SERPINA1: variants seen among roughly 807,000 people sequenced by gnomAD.
SERPINA1 encodes alpha-1-antitrypsin.
Under a neutral mutation model 25.4 loss-of-function variants are expected in SERPINA1, and 21 were observed. That is an observed-to-expected ratio of 0.83 (90% CI 0.59 to 1.19). The LOEUF is 1.19. Ranked by LOEUF, SERPINA1 falls within the 50% of genes most tolerant of loss-of-function variation. The pLI, the probability that SERPINA1 is intolerant of heterozygous loss-of-function variation, is 0.00. For synonymous variants in SERPINA1, 218 were observed against 211.1 expected (o/e 1.03, Z -0.29); for missense variants, 546 against 509.0 (o/e 1.07, Z -0.70).
chr14:94,390,155 A>G (rs373975877), upstream of SERPINA1, among the ~76,000 whole-genome samples: 48 of 152,102 alleles, frequency 3.2e-4, no homozygotes, highest in African/African-American at 1.1e-3. Flanking sequence ...CCTTTCAGGC[A>G]GCGGGAAACT....
intron 1 of SERPINA1, among the ~76,000 whole-genome samples, chr14:94,384,411 A>T (rs1463585235): frequency 6.6e-6 from 1 of 152,210 alleles, no homozygotes. Context: ...TTCAGGTGAT[A>T]GGCCAGTGAG....
chr14:94,379,162 C>T, intron 4 of SERPINA1: 1 of 591,222 alleles, frequency 1.7e-6, no homozygotes, highest in Non-Finnish European at 3.0e-6. Flanking sequence ...CCAAACCTTT[C>T]TGTGTCAGTA....
chr14:94,379,110 C>G, intron 4 of SERPINA1: 2 of 571,260 alleles, frequency 3.5e-6, no homozygotes, highest in Non-Finnish European at 6.2e-6. Flanking sequence ...CACCAAATCT[C>G]ACAGATCGAA....
At chr14:94,380,205 A>C (rs762143467) in intron 3 of SERPINA1, among the ~76,000 whole-genome samples, 10 of 152,290 alleles carry the variant, frequency 6.6e-5, no homozygotes, top group Non-Finnish European at 1.2e-4. Flanking sequence ...GATTCCTATT[A>C]TGAACCCGAC....
At chr14:94,378,669 G>T (rs755409927) in intron 4 of SERPINA1, 29 bp from the exon 5 acceptor site, 2 of 1,612,396 alleles carry the variant, frequency 1.2e-6, no homozygotes, top group Admixed American at 3.3e-5. Context: ...GAGACACGTT[G>T]TAAGGCTGAT....
chr14:94,390,577 G>GCA (rs1897634956), upstream of SERPINA1: 1 of 152,476 alleles, frequency 6.6e-6, no homozygotes, highest in Non-Finnish European at 1.5e-5. Context: ...CAGCAGCAGC[G>GCA]GCTAGGCCTT....
upstream of SERPINA1, chr14:94,389,764 T>C (rs1233361570): frequency 1.3e-5 from 2 of 152,254 alleles, no homozygotes; most frequent in Admixed American, 6.5e-5. Flanking sequence ...ACCAGTCCCA[T>C]TTATGCCTCC....
rs539955367 is a variant in SERPINA1, at chr14:94,378,078, C to A, written c.*371G>T. 1.6e-4 allele frequency: 42 copies of A among 266,368 alleles called. No homozygotes were observed. Among genetic ancestry groups the A allele is most frequent in the Middle Eastern group, 2.5e-3 (2 of 790 alleles). 16.5% of individuals were successfully genotyped at this position (266,368 alleles called of 1,614,324 possible). A position where few individuals can be genotyped will look rare whatever the true frequency, so the allele number is the denominator to read the frequency against. On this transcript the variant is annotated 3_prime_UTR_variant, in exon 5 of 5. Transcript: ENST00000393087. Reference sequence around the variant, plus strand: ...GGGGACATGAAGATGCTTGGTGGAGCCTGGGGTCATGGCTGGTATCTGGTT... The same window carrying A: ...GGGGACATGAAGATGCTTGGTGGAGACTGGGGTCATGGCTGGTATCTGGTT...
At chr14:94,384,253 C>T (rs1897152133) in intron 1 of SERPINA1, 1 of 152,114 alleles carries the variant, frequency 6.6e-6, no homozygotes, top group Admixed American at 6.5e-5. Context: ...CATTCATCTC[C>T]CTGGTCCTCA....
At chr14:94,386,203 A>G (rs1897276616) in intron 1 of SERPINA1, among the ~76,000 whole-genome samples, 1 of 152,190 alleles carries the variant, frequency 6.6e-6, no homozygotes, top group Admixed American at 6.5e-5. Flanking sequence ...CAAGTACCCC[A>G]TGGTGTACGG....
At chr14:94,381,294 G>T (rs1896898358) in intron 2 of SERPINA1, among the ~76,000 whole-genome samples, 153 bp from the exon 3 acceptor site, 1 of 152,098 alleles carries the variant, frequency 6.6e-6, no homozygotes, top group Admixed American at 6.5e-5. Flanking sequence ...TCTGTAAAAG[G>T]TGCTGAAACT....
Position 94,379,625 on chromosome 14 carries a change from A to G in SERPINA1, c.918-14T>C, listed in dbSNP as rs757688696. ...AAGCTGGCAGACCTGTCGTGCAGAA[A>G]AGAAATTCAAGGCATGGCACAGCAT... On this transcript the variant is annotated splice_polypyrimidine_tract_variant and intron_variant, in intron 3 of 4. Coordinates refer to ENST00000393087, the MANE Select transcript of SERPINA1 (RefSeq NM_000295.5). The G allele has an allele frequency of 1.9e-6, 3 of 1,614,036 alleles. No homozygotes were observed. The Admixed American group carries it at 5.0e-5, about 27-fold the overall frequency.
intron 1 of SERPINA1, chr14:94,383,973 C>T (rs1213398732): frequency 6.6e-6 from 1 of 152,290 alleles, no homozygotes. Flanking sequence ...ACGGGGCTGT[C>T]CCCACAATGC....
In SERPINA1 at chr14:94,378,979, C is replaced by A. The variant is rs1896626068; in HGVS notation, c.1066-339G>T. ...TTGAGGACACGGACCCTGGCAGTGA[C>A]CTTCACAGTGCCCAGACCCCAAGAT... On this transcript the variant is annotated intron_variant, in intron 4 of 4. Transcript: ENST00000393087. 5 of 548,512 alleles carry A rather than the reference C, an allele frequency of 9.1e-6. 1 individual carries two copies. In the Admixed American group the frequency reaches 9.7e-5, roughly 11 times the overall value. 34.0% of individuals were successfully genotyped at this position (548,512 alleles called of 1,614,324 possible).
At chr14:94,379,395 G>A in intron 4 of SERPINA1, 69 bp downstream of exon 4, 2 of 1,601,488 alleles carry the variant, frequency 1.2e-6, no homozygotes, top group East Asian at 4.5e-5. Flanking sequence ...CCTCAGGACA[G>A]AGCTGCAGCC....
intron 1 of SERPINA1, among the ~76,000 whole-genome samples, chr14:94,384,378 G>T (rs757766400): frequency 6.6e-6 from 1 of 152,160 alleles, no homozygotes; most frequent in African/African-American, 2.4e-5. Flanking sequence ...GGAGGGGTTG[G>T]CAGGTGTTGC....
At chr14:94,379,419 C>A in intron 4 of SERPINA1, 45 bp downstream of exon 4, 1 of 1,608,912 alleles carries the variant, frequency 6.2e-7, no homozygotes, top group Non-Finnish European at 8.5e-7. Context: ...ACACATTCTT[C>A]CCTACAGATA....
rs781718514 is a variant in SERPINA1, at chr14:94,381,172, G to A, written c.647-31C>T. On this transcript the variant is annotated intron_variant, in intron 2 of 4. Coordinates refer to ENST00000393087, the MANE Select transcript of SERPINA1 (RefSeq NM_000295.5). ...GAGAGGGGAAGGTGGGCATCACCAG[G>A]GGTGAGTGAAGGTTTGGAAGAGTGT... is the stretch of plus-strand genomic sequence containing the variant. 1.9e-6 allele frequency: 3 copies of A among 1,605,488 alleles called. No individual in the cohort carries two copies. The East Asian group carries it at 6.7e-5, about 36-fold the overall frequency.
chr14:94,386,452 A>G (rs1897292755), intron 1 of SERPINA1, among the ~76,000 whole-genome samples: 1 of 152,118 alleles, frequency 6.6e-6, no homozygotes, highest in Non-Finnish European at 1.5e-5. Flanking sequence ...CAATAAATAA[A>G]CCCAAGTGTG....
Sources: allele counts gnomAD v4.1 joint callset (sites outside exome capture counted in the v4.1 genomes callset), GRCh38; gene constraint gnomAD v4.1.1; transcripts MANE v1.5; gene names NCBI Gene and HGNC (gene_info 2026-07-23, HGNC 2026-07-21).